The following DGKB variants were observed in gnomAD, a reference collection of about 807,000 sequenced individuals.
The protein encoded by DGKB is diacylglycerol kinase beta, also known as 90 kDa diacylglycerol kinase.
In DGKB, 67 loss-of-function variants were observed where a neutral mutation model predicts 114.3. That is an observed-to-expected ratio of 0.59 (90% CI 0.48 to 0.72). The LOEUF is 0.72. Ranked by LOEUF, DGKB falls within the 30% of genes least tolerant of loss-of-function variation. DGKB has a pLI of 0.00. For missense variants in DGKB, 907 were observed against 975.2 expected, an observed-to-expected ratio of 0.93 and a Z score of 0.93; for synonymous variants, 398 against 323.1, an observed-to-expected ratio of 1.23 and a Z score of -2.49.
In DGKB at chr7:14,212,354, ATGTTTTGTGATTTTACTCTCG is replaced by A. The variant is rs1562633534; in HGVS notation, c.2123-34224_2123-34204del. On this transcript the variant is annotated intron_variant, in intron 23 of 25. Transcript: ENST00000402815. ...CTCATGTTTTGTGATATTTACTCTC[ATGTTTTGTGATTTTACTCTCG>A]TGTTTTGTGATATTTACTCTCATGT... 9.4e-3 allele frequency among the ~76,000 whole-genome samples: 205 copies of A among 21,900 alleles called. 48 individuals are homozygous for A. The highest frequency in any genetic ancestry group is 0.019 in the South Asian group (10 of 516). 14.4% of individuals were successfully genotyped at this position (21,900 alleles called of 152,430 possible). A position where few individuals can be genotyped will look rare whatever the true frequency, so the allele number is the denominator to read the frequency against.
intron 2 of DGKB, among the ~76,000 whole-genome samples, chr7:14,797,487 G>A (rs1245022716): frequency 6.6e-6 from 1 of 152,068 alleles, no homozygotes; most frequent in Non-Finnish European, 1.5e-5. Flanking sequence ...TAACTGAAAA[G>A]CTGTCTTTCG....
chr7:14,392,995 G>GTTTGTTTTTTTTTTTTTTTTTT (rs1821578405), intron 21 of DGKB, among the ~76,000 whole-genome samples: 1 of 60,546 alleles, frequency 1.7e-5, no homozygotes, highest in Non-Finnish European at 3.4e-5. Flanking sequence ...TTTTGTTTTT[G>GTTTGTTTTTTTTTTTTTTTTTT]TTTTTTTTTT....
intron 1 of DGKB, among the ~76,000 whole-genome samples, chr7:14,917,637 C>T (rs1784305920): frequency 6.6e-6 from 1 of 151,790 alleles, no homozygotes; most frequent in Non-Finnish European, 1.5e-5. Context: ...AATGATTAAC[C>T]TTTTAAAGCA....
intron 4 of DGKB, among the ~76,000 whole-genome samples, chr7:14,736,747 T>C (rs2128401702): frequency 6.6e-6 from 1 of 152,348 alleles, no homozygotes; most frequent in East Asian, 1.9e-4. Flanking sequence ...ACGCAGACTT[T>C]CCAAAGAAAC....
intron 21 of DGKB, among the ~76,000 whole-genome samples, chr7:14,392,995 G>GTTTTTTTTTTTT (rs1554404748): frequency 3.3e-5 from 2 of 60,536 alleles, no homozygotes; most frequent in African/African-American, 9.7e-5. Flanking sequence ...TTTTGTTTTT[G>GTTTTTTTTTTTT]TTTTTTTTTT....
chr7:14,362,176 G>T (rs1468621390), intron 21 of DGKB, among the ~76,000 whole-genome samples: 1 of 152,008 alleles, frequency 6.6e-6, no homozygotes, highest in East Asian at 1.9e-4. Flanking sequence ...CGTTTAGTGG[G>T]TGATCAAATG....
chr7:14,333,991 G>A (rs917064981), intron 23 of DGKB, among the ~76,000 whole-genome samples: 14 of 152,162 alleles, frequency 9.2e-5, no homozygotes, highest in Admixed American at 3.3e-4. Context: ...ATAAAAGTGT[G>A]CTTGATATAT....
chr7:14,903,706 G>A (rs971634810), upstream of DGKB, among the ~76,000 whole-genome samples: 1 of 152,152 alleles, frequency 6.6e-6, no homozygotes, highest in Non-Finnish European at 1.5e-5. Context: ...GAAACTCTAT[G>A]TATGTGTAAC....
At chr7:14,313,859 C>A (rs1282669800) in intron 23 of DGKB, among the ~76,000 whole-genome samples, 1 of 152,208 alleles carries the variant, frequency 6.6e-6, no homozygotes, top group Non-Finnish European at 1.5e-5. Context: ...ACAGCAGTAA[C>A]CTCTGCAGAC....
At chr7:14,910,589 C>G (rs1013279859) in intron 1 of DGKB, among the ~76,000 whole-genome samples, 1 of 151,994 alleles carries the variant, frequency 6.6e-6, no homozygotes, top group Non-Finnish European at 1.5e-5. Context: ...TTATAACTAT[C>G]CTACGAAGAA....
intron 21 of DGKB, among the ~76,000 whole-genome samples, chr7:14,352,915 C>T (rs981291292): frequency 5.9e-5 from 9 of 151,820 alleles, no homozygotes; most frequent in African/African-American, 2.2e-4. Context: ...AAGAGCGAAA[C>T]TCTGTCTCAA....
At chr7:14,876,710 C>CA (rs1853346293) in intron 1 of DGKB, among the ~76,000 whole-genome samples, 1 of 152,134 alleles carries the variant, frequency 6.6e-6, no homozygotes. Flanking sequence ...TGTTGAGACT[C>CA]AATCATCTGA....
chr7:14,882,358 G>T (rs938464161), intron 1 of DGKB, among the ~76,000 whole-genome samples: 6 of 152,032 alleles, frequency 3.9e-5, no homozygotes, highest in Non-Finnish European at 7.4e-5. Flanking sequence ...TAAAAGGAGA[G>T]AGAGTAGGGA....
intron 17 of DGKB, among the ~76,000 whole-genome samples, chr7:14,594,334 T>C (rs1802188796): frequency 6.6e-6 from 1 of 151,914 alleles, no homozygotes; most frequent in Non-Finnish European, 1.5e-5. Context: ...AAGTTATGTG[T>C]GTACTGATAT....
At chr7:14,523,224 G>T (rs187092405) in intron 20 of DGKB, among the ~76,000 whole-genome samples, 1 of 151,906 alleles carries the variant, frequency 6.6e-6, no homozygotes, top group African/African-American at 2.4e-5. Context: ...AACTTTTCTC[G>T]GCAGTCATAA....
At chr7:14,910,230 G>T (rs1294145200) in intron 1 of DGKB, among the ~76,000 whole-genome samples, 1 of 145,262 alleles carries the variant, frequency 6.9e-6, no homozygotes, top group African/African-American at 2.6e-5. Flanking sequence ...GACAGAGCGA[G>T]ACTCCATCAA....
chr7:14,476,587 T>C (rs778502100), intron 21 of DGKB, among the ~76,000 whole-genome samples: 14 of 152,106 alleles, frequency 9.2e-5, no homozygotes, highest in Non-Finnish European at 1.8e-4. Flanking sequence ...TATGTACACA[T>C]ATATATCCAT....
chr7:14,300,496 CCT>C (rs1803342390), intron 23 of DGKB, among the ~76,000 whole-genome samples: 1 of 151,888 alleles, frequency 6.6e-6, no homozygotes, highest in African/African-American at 2.4e-5. Context: ...ATTTAAAAGC[CCT>C]GTGTGAAAAT....
chr7:14,652,604 T>C (rs1460982146), intron 13 of DGKB, among the ~76,000 whole-genome samples: 1 of 150,454 alleles, frequency 6.6e-6, no homozygotes, highest in Non-Finnish European at 1.5e-5. Context: ...GGACTTCCTG[T>C]CTAAAACACC....
Sources: allele counts gnomAD v4.1 joint callset (sites outside exome capture counted in the v4.1 genomes callset), GRCh38; gene constraint gnomAD v4.1.1; transcripts MANE v1.5; gene names NCBI Gene and HGNC (gene_info 2026-07-23, HGNC 2026-07-21).